The following CDCA5 variants were observed in gnomAD, a reference collection of about 807,000 sequenced individuals.
The protein encoded by CDCA5 is sororin.
A neutral mutation model predicts 25.7 loss-of-function variants in CDCA5; 14 were observed. The observed-to-expected ratio is 0.54, with a 90% CI of 0.36 to 0.85. CDCA5 has a LOEUF of 0.85. CDCA5 is among the 40% of genes least tolerant of loss of function. The pLI is 0.01. For synonymous variants in CDCA5, 127 were observed against 128.7 expected, an observed-to-expected ratio of 0.99 and a Z score of 0.09; for missense variants, 307 against 324.5, an observed-to-expected ratio of 0.95 and a Z score of 0.41.
chr11:65,075,016 C>T (rs1232097065), downstream of CDCA5, among the ~76,000 whole-genome samples: 3 of 134,942 alleles, frequency 2.2e-5, no homozygotes, highest in South Asian at 2.4e-4. Flanking sequence ...GAGCCGAGAT[C>T]GTGCCATTGC....
chr11:65,066,396 G>C (rs1221212407), exon 7 of CDCA5: 1 of 1,225,308 alleles, frequency 8.2e-7, no homozygotes, highest in Non-Finnish European at 1.0e-6. Flanking sequence ...GCCTGGCCAG[G>C]CCTGACCCTG....
Position 65,081,941 on chromosome 11 carries a change from A to G in CDCA5, c.243+1423T>C, listed in dbSNP as rs1947575547. Among the ~76,000 whole-genome samples, 6 of 152,204 alleles carry G rather than the reference A, an allele frequency of 3.9e-5. No homozygotes were observed. In the South Asian group the frequency reaches 1.0e-3, roughly 26 times the overall value. ...CACTGCACTCCAGCCTGGGTGGCAG[A>G]ACAAGACCCTATCTTTAGAACTGGT... On this transcript the variant is annotated intron_variant, in intron 4 of 5. Transcript: ENST00000275517.
chr11:65,068,199 C>T, intron 2 of CDCA5: 9 of 896,034 alleles, frequency 1.0e-5, no homozygotes, highest in Non-Finnish European at 1.4e-5. Context: ...CACCCCCCAT[C>T]CTTGCCATCT....
At chr11:65,083,447 C>A (rs1947616796) in intron 3 of CDCA5, 38 bp downstream of exon 3, 2 of 1,614,030 alleles carry the variant, frequency 1.2e-6, no homozygotes, top group African/African-American at 1.3e-5. Flanking sequence ...CCCAGTTTTG[C>A]CCGCCTAACC....
intron 4 of CDCA5, chr11:65,067,019 C>T (rs957163554): frequency 1.4e-5 from 7 of 493,714 alleles, no homozygotes; most frequent in African/African-American, 1.4e-4. Flanking sequence ...CCCAGTCTTC[C>T]TGTCCCGGCA....
At chr11:65,068,441 T>C in intron 2 of CDCA5, 13 of 1,115,460 alleles carry the variant, frequency 1.2e-5, no homozygotes, top group Non-Finnish European at 1.6e-5. Context: ...CCAGCTCTCC[T>C]GCCTCCCCTG....
Position 65,083,544 on chromosome 11 carries a change from TG to T in CDCA5, c.147del (p.Ser50ValfsTer11). The T allele has an allele frequency of 1.2e-6, 2 of 1,614,164 alleles. No homozygotes were observed. The highest frequency in any genetic ancestry group is 8.5e-7 in the Non-Finnish European group (1 of 1,180,020). The part of the protein sequence containing the change: ...SILPEIWPKT[P>X]SAAAVRKPIV... ...ATGGGCTTTCTGACTGCAGCCGCAC[TG>T]GGTGTCTGGAGAAGAGGGATGAACG... On this transcript the variant is annotated frameshift_variant, in exon 3 of 6. Coordinates refer to ENST00000275517, the MANE Select transcript of CDCA5 (RefSeq NM_080668.4). LOFTEE classifies it high-confidence loss of function.
chr11:65,074,738 CAAAAAAAAAAAAAA>C (rs141129265), downstream of CDCA5, among the ~76,000 whole-genome samples: 508 of 38,082 alleles, frequency 0.013, 7 homozygotes, highest in African/African-American at 0.042. Flanking sequence ...GACCTTGTCT[CAAAAAAAAAAAAAA>C]AAAAAAAAAA....
chr11:65,068,673 T>G, intron 1 of CDCA5: 5 of 948,754 alleles, frequency 5.3e-6, no homozygotes, highest in Non-Finnish European at 5.8e-6. Context: ...CCTGGTCTGG[T>G]TTTTAGGGGG....
downstream of CDCA5, among the ~76,000 whole-genome samples, chr11:65,075,539 A>C (rs953165095): frequency 1.2e-5 from 1 of 82,708 alleles, no homozygotes; most frequent in Non-Finnish European, 2.5e-5. Context: ...GCAATTGTCT[A>C]GTGGCTGTGG....
chr11:65,070,397 G>A (rs985963254), intron 1 of CDCA5, among the ~76,000 whole-genome samples: 2 of 152,240 alleles, frequency 1.3e-5, no homozygotes, highest in East Asian at 3.8e-4. Flanking sequence ...TATGGGCTGG[G>A]TACCAGTGTA....
Position 65,079,161 on chromosome 11 carries a change from C to T in CDCA5, c.705G>A (p.Ala235=), listed in dbSNP as rs1221708871. 5.3e-6 allele frequency: 8 copies of T among 1,521,324 alleles called. No homozygotes were observed. Among genetic ancestry groups the T allele is most frequent in the Non-Finnish European group, 7.0e-6 (8 of 1,135,980 alleles). 94.2% of individuals were successfully genotyped at this position (1,521,324 alleles called of 1,614,324 possible). ...ILKTELDEWA[A]AMNAEFEAAE... ...CAGCTTCAAACTCGGCATTCATGGCCGCAGCCCACTCATCCAGCTCCGTTT... is the reference window on the plus strand; with the variant it reads ...CAGCTTCAAACTCGGCATTCATGGCTGCAGCCCACTCATCCAGCTCCGTTT... The change falls in exon 6 of 6, where the codon GCG becomes GCA. Residue 235 remains alanine, a synonymous_variant. Transcript: ENST00000275517.
intron 1 of CDCA5, chr11:65,068,705 T>A (rs533383091): frequency 5.6e-6 from 3 of 538,028 alleles, no homozygotes; most frequent in African/African-American, 3.9e-5. Flanking sequence ...CTGGCGAGCG[T>A]CTATCACCAG....
chr11:65,065,174 T>C (rs1484726959), downstream of CDCA5, among the ~76,000 whole-genome samples: 1 of 152,192 alleles, frequency 6.6e-6, no homozygotes. Context: ...TAGACCTAGA[T>C]GCTGTAAAGT....
chr11:65,080,239 T>A (rs982832556), intron 4 of CDCA5, among the ~76,000 whole-genome samples: 1 of 151,984 alleles, frequency 6.6e-6, no homozygotes, highest in Non-Finnish European at 1.5e-5. Flanking sequence ...GAAAGAGACA[T>A]GGAGAGAAGA....
At chr11:65,068,722 C>A in intron 1 of CDCA5, 1 of 407,304 alleles carries the variant, frequency 2.5e-6, no homozygotes, top group Non-Finnish European at 4.5e-6. Context: ...CCAGCTCTGT[C>A]CAGCAAGCCA....
chr11:65,070,863 A>G (rs1947325943), intron 1 of CDCA5, among the ~76,000 whole-genome samples: 1 of 152,074 alleles, frequency 6.6e-6, no homozygotes, highest in Middle Eastern at 3.4e-3. Flanking sequence ...GAATATTAGC[A>G]TTATCTGAAA....
At chr11:65,083,340 T>G (rs766214254) in intron 4 of CDCA5, 24 bp downstream of exon 4, 2 of 1,613,706 alleles carry the variant, frequency 1.2e-6, no homozygotes, top group African/African-American at 2.7e-5. Context: ...TTCTACTTAA[T>G]TAAGTAGATG....
intron 6 of CDCA5, chr11:65,066,522 C>T (rs1947239687): frequency 7.8e-7 from 1 of 1,289,154 alleles, no homozygotes; most frequent in Non-Finnish European, 1.0e-6. Flanking sequence ...GCCGCCTCTT[C>T]CCTCCCCGCT....
Sources: gnomAD v4.1 joint callset for allele counts (sites outside exome capture counted in the v4.1 genomes callset) on GRCh38, gnomAD v4.1.1 for gene constraint, MANE v1.5 for transcripts, NCBI Gene and HGNC (gene_info 2026-07-23, HGNC 2026-07-21) for gene names.